Variants in ZSCAN25 observed in about 807,000 individuals in gnomAD.
The protein encoded by ZSCAN25 is zinc finger and SCAN domain-containing protein 25.
A neutral mutation model predicts 38.7 loss-of-function variants in ZSCAN25; 27 were observed. That is an observed-to-expected ratio of 0.70 (90% CI 0.51 to 0.96). ZSCAN25 has a LOEUF of 0.96. Ranked by LOEUF, ZSCAN25 falls within the 40% of genes least tolerant of loss-of-function variation. The probability of loss-of-function intolerance (pLI) is 0.00; values close to 1 mark genes in which losing one functional copy is unlikely to be tolerated. For missense variants in ZSCAN25, 637 were observed against 705.9 expected (o/e 0.90, Z 1.11); for synonymous variants, 273 against 277.7 (o/e 0.98, Z 0.17).
At chr7:99,654,026 T>G in the ZSCAN25 span, among the ~76,000 whole-genome samples, 1 of 152,128 alleles carries the variant, frequency 6.6e-6, no homozygotes, top group East Asian at 1.9e-4. Flanking sequence ...TCAGCAGAAC[T>G]CACTATCCAG....
chr7:99,653,257 C>T, the ZSCAN25 span, among the ~76,000 whole-genome samples: 5 of 152,132 alleles, frequency 3.3e-5, no homozygotes, highest in Non-Finnish European at 7.4e-5. The surrounding 1 kb of genome is among the most constrained non-coding windows in gnomAD (Gnocchi z 4.2). Context: ...TTGAGACCAG[C>T]TTGGGAAACA....
chr7:99,700,824 G>T, the ZSCAN25 span, among the ~76,000 whole-genome samples: 1 of 152,220 alleles, frequency 6.6e-6, no homozygotes, highest in Non-Finnish European at 1.5e-5. Context: ...TCCCCTCTGA[G>T]TCTGTGGTGA....
the ZSCAN25 span, among the ~76,000 whole-genome samples, chr7:99,654,550 A>G: frequency 6.6e-6 from 1 of 152,234 alleles, no homozygotes; most frequent in Middle Eastern, 3.2e-3. Context: ...ATAAGTGTGC[A>G]TGTGTGTTTA....
chr7:99,697,199 T>A, the ZSCAN25 span, among the ~76,000 whole-genome samples: 1 of 152,160 alleles, frequency 6.6e-6, no homozygotes. Context: ...ACATCAAGTA[T>A]CTCTGTAGGA....
chr7:99,715,359 G>T, the ZSCAN25 span: 1 of 241,994 alleles, frequency 4.1e-6, no homozygotes, highest in South Asian at 5.7e-5. Context: ...CACAGTAAAC[G>T]GAGAAGGGCA....
At chr7:99,648,924 T>G in the ZSCAN25 span, among the ~76,000 whole-genome samples, 1 of 152,264 alleles carries the variant, frequency 6.6e-6, no homozygotes, top group Admixed American at 6.5e-5. Context: ...AGAATTATTC[T>G]TTTCTTTTTA....
chr7:99,640,748 A>T, the ZSCAN25 span, among the ~76,000 whole-genome samples: 32 of 146,746 alleles, frequency 2.2e-4, no homozygotes, highest in Admixed American at 1.5e-3. Context: ...ATGTTTTGAT[A>T]AAAAAACTCC....
the ZSCAN25 span, among the ~76,000 whole-genome samples, chr7:99,719,991 A>G: frequency 2.7e-4 from 41 of 151,964 alleles, no homozygotes; most frequent in African/African-American, 9.4e-4. Context: ...AGTGTGACTC[A>G]GTCCGAAAAA....
chr7:99,660,320 C>T, the ZSCAN25 span: 8 of 1,212,576 alleles, frequency 6.6e-6, no homozygotes, highest in Middle Eastern at 3.4e-4. Flanking sequence ...TATGCTTCTG[C>T]CAGTAGCAAC....
chr7:99,706,277 T>C, the ZSCAN25 span, among the ~76,000 whole-genome samples: 2 of 152,182 alleles, frequency 1.3e-5, no homozygotes, highest in African/African-American at 4.8e-5. Context: ...CATGGAGTGA[T>C]GGGCAAGAAA....
chr7:99,617,248 G>T (rs1391387800), intron 1 of ZSCAN25, among the ~76,000 whole-genome samples: 2 of 152,238 alleles, frequency 1.3e-5, no homozygotes, highest in Non-Finnish European at 2.9e-5. Flanking sequence ...TCAGGTAGGA[G>T]CGAGGCTGAT....
the ZSCAN25 span, among the ~76,000 whole-genome samples, chr7:99,725,957 T>C: frequency 2.6e-5 from 4 of 152,196 alleles, no homozygotes; most frequent in Admixed American, 2.6e-4. Context: ...TCCCCAACTT[T>C]GGTGCCAAAT....
At chr7:99,617,202 C>T (rs1200631406) in intron 1 of ZSCAN25, among the ~76,000 whole-genome samples, 186 bp downstream of exon 1, 1 of 152,192 alleles carries the variant, frequency 6.6e-6, no homozygotes, top group African/African-American at 2.4e-5. Context: ...CGAGGCCCTG[C>T]GGGTCTGGAC....
chr7:99,632,413 A>T (rs1211523882), downstream of ZSCAN25: 1 of 368,296 alleles, frequency 2.7e-6, no homozygotes, highest in Non-Finnish European at 3.8e-6. Flanking sequence ...ATCTTGTTTC[A>T]TCTCTGTCCA....
Position 99,631,699 on chromosome 7 carries a change from A to C in ZSCAN25, c.*1679A>C. The C allele has an allele frequency of 1.0e-6, 1 of 985,280 alleles. No individual in the cohort carries two copies. The highest frequency in any genetic ancestry group is 4.7e-5 in the South Asian group (1 of 21,274). 61.0% of individuals were successfully genotyped at this position (985,280 alleles called of 1,614,324 possible). A position where few individuals can be genotyped will look rare whatever the true frequency, so the allele number is the denominator to read the frequency against. On this transcript the variant is annotated 3_prime_UTR_variant, in exon 8 of 8. Transcript: ENST00000394152. ...GCTGTATTACTCAGCCCACTTTGAA[A>C]CGTGGTTTTATCACCTGTTCTTGTT...
chr7:99,663,972 T>A, the ZSCAN25 span: 1 of 1,581,456 alleles, frequency 6.3e-7, no homozygotes. Flanking sequence ...TTTTACCTTT[T>A]GTTTGTCGTT....
chr7:99,690,065 G>A, the ZSCAN25 span, among the ~76,000 whole-genome samples: 2 of 152,210 alleles, frequency 1.3e-5, no homozygotes, highest in Non-Finnish European at 2.9e-5. Context: ...CAAGGCTACA[G>A]TAACCAAAAC....
the ZSCAN25 span, chr7:99,720,351 G>T: frequency 6.2e-7 from 1 of 1,613,684 alleles, no homozygotes; most frequent in Non-Finnish European, 8.5e-7. Flanking sequence ...TCTTTCACTA[G>T]CACTGTTTTG....
the ZSCAN25 span, chr7:99,638,869 C>T: frequency 1.7e-4 from 98 of 592,036 alleles, no homozygotes; most frequent in African/African-American, 1.5e-3. Flanking sequence ...CCAGCCTTTG[C>T]GGCCTGCCTG....
Sources: gnomAD v4.1 joint callset for allele counts (sites outside exome capture counted in the v4.1 genomes callset) on GRCh38, gnomAD v4.1.1 for gene constraint, Gnocchi (gnomAD v3.1) non-coding constraint, MANE v1.5 for transcripts, NCBI Gene and HGNC (gene_info 2026-07-23, HGNC 2026-07-21) for gene names.